The following DLEU7 variants were observed in gnomAD, a reference collection of about 807,000 sequenced individuals.
DLEU7 encodes the protein leukemia-associated protein 7.
DLEU7 carries 17 observed loss-of-function variants against 16.0 expected under a neutral mutation model. The ratio of observed to expected loss-of-function variants is 1.06; its 90% CI spans 0.73 to 1.59. DLEU7 has a LOEUF of 1.59. Ranked by LOEUF, DLEU7 falls within the 40% of genes most tolerant of loss-of-function variation. The probability of loss-of-function intolerance (pLI) is 0.00; values close to 1 mark genes in which losing one functional copy is unlikely to be tolerated. For synonymous variants in DLEU7, 113 were observed against 139.8 expected, an observed-to-expected ratio of 0.81 and a Z score of 1.35; for missense variants, 308 against 314.9, an observed-to-expected ratio of 0.98 and a Z score of 0.17.
chr13:50,811,635 C>T (rs1050749079), intron 1 of DLEU7, among the ~76,000 whole-genome samples: 9 of 152,124 alleles, frequency 5.9e-5, no homozygotes, highest in African/African-American at 1.4e-4. Context: ...GCCAGCCTTC[C>T]AGCACTAGCC....
intron 1 of DLEU7, among the ~76,000 whole-genome samples, chr13:50,813,996 G>A (rs1017324776): frequency 2.0e-5 from 3 of 152,066 alleles, no homozygotes; most frequent in African/African-American, 4.8e-5. Flanking sequence ...ACATATAGAC[G>A]TTCATTCTGT....
At chr13:50,839,268 AG>A (rs1427878138) in intron 1 of DLEU7, among the ~76,000 whole-genome samples, 2 of 152,204 alleles carry the variant, frequency 1.3e-5, no homozygotes, top group African/African-American at 4.8e-5. Flanking sequence ...TCCAAGCCTC[AG>A]TTTCCTCCTA....
chr13:50,820,569 G>A (rs776104476), downstream of DLEU7, among the ~76,000 whole-genome samples: 4 of 152,092 alleles, frequency 2.6e-5, no homozygotes, highest in Non-Finnish European at 4.4e-5. Context: ...CGAGGAACAT[G>A]CTCTTCTGAT....
intron 1 of DLEU7, among the ~76,000 whole-genome samples, chr13:50,793,251 A>G (rs890214934): frequency 6.6e-6 from 1 of 152,054 alleles, no homozygotes; most frequent in African/African-American, 2.4e-5. Flanking sequence ...CATGGCGTAT[A>G]TGTACCACAT....
exon 2 of DLEU7, chr13:50,713,134 A>G (rs1873343780): frequency 1.3e-6 from 2 of 1,527,860 alleles, no homozygotes; most frequent in African/African-American, 2.7e-5. Context: ...ATCCCATCTC[A>G]TCCCATCTGG....
chr13:50,732,214 G>C (rs1873929993), intron 1 of DLEU7, among the ~76,000 whole-genome samples: 1 of 152,100 alleles, frequency 6.6e-6, no homozygotes, highest in Non-Finnish European at 1.5e-5. Flanking sequence ...CAGACCACAA[G>C]TATCCATTTC....
chr13:50,821,432 T>C (rs548155513), downstream of DLEU7, among the ~76,000 whole-genome samples: 3 of 152,292 alleles, frequency 2.0e-5, no homozygotes, highest in African/African-American at 7.2e-5. Flanking sequence ...GATGTCTAGA[T>C]AATCCCTATC....
At chr13:50,776,736 AT>A (rs1443477656) in intron 1 of DLEU7, among the ~76,000 whole-genome samples, 1 of 152,196 alleles carries the variant, frequency 6.6e-6, no homozygotes, top group Non-Finnish European at 1.5e-5. Flanking sequence ...AACATTTAAA[AT>A]GTTGATTTTC....
At chr13:50,794,417 G>A (rs1333945321) in intron 1 of DLEU7, among the ~76,000 whole-genome samples, 1 of 152,120 alleles carries the variant, frequency 6.6e-6, no homozygotes, top group Non-Finnish European at 1.5e-5. Flanking sequence ...TACAAAAGGG[G>A]AAGCTGAAAA....
chr13:50,765,225 T>C (rs1875065528), intron 1 of DLEU7, among the ~76,000 whole-genome samples: 1 of 152,132 alleles, frequency 6.6e-6, no homozygotes, highest in African/African-American at 2.4e-5. Flanking sequence ...GGAGAATTTA[T>C]TCAAAATTAA....
At chr13:50,749,280 T>C (rs979594077) in intron 1 of DLEU7, among the ~76,000 whole-genome samples, 1 of 151,998 alleles carries the variant, frequency 6.6e-6, no homozygotes, top group African/African-American at 2.4e-5. Context: ...ATATCTATTT[T>C]TATATATCTA....
At chr13:50,731,281 T>G (rs2137716627) in intron 1 of DLEU7, among the ~76,000 whole-genome samples, 1 of 152,332 alleles carries the variant, frequency 6.6e-6, no homozygotes, top group African/African-American at 2.4e-5. Context: ...CATTCTTTCA[T>G]TGCTTTGCTT....
intron 1 of DLEU7, among the ~76,000 whole-genome samples, chr13:50,751,659 G>C (rs1379744167): frequency 1.3e-5 from 2 of 152,154 alleles, no homozygotes; most frequent in Non-Finnish European, 2.9e-5. Context: ...AATTAAGCTA[G>C]GAGGGCTCTA....
chr13:50,823,567 G>A, intron 1 of DLEU7, 47 bp from the exon 2 acceptor site: 2 of 1,525,210 alleles, frequency 1.3e-6, no homozygotes, highest in East Asian at 4.9e-5. Context: ...AGGTTATGGG[G>A]GCCAATTGTT....
At chr13:50,739,731 C>G (rs193274619) in intron 1 of DLEU7, among the ~76,000 whole-genome samples, 2 of 152,258 alleles carry the variant, frequency 1.3e-5, no homozygotes, top group Admixed American at 1.3e-4. Flanking sequence ...TGTTCTTTTT[C>G]TGCTACATCT....
chr13:50,757,155 T>C lies in DLEU7; in HGVS notation c.460-43915A>G, dbSNP rs566823211. Among the ~76,000 whole-genome samples the C allele has an allele frequency of 7.2e-5, 11 of 152,316 alleles. No homozygotes were observed. The South Asian group carries it at 2.3e-3, about 32-fold the overall frequency. On this transcript the variant is annotated intron_variant, in intron 1 of 1. Coordinates refer to the DLEU7 transcript ENST00000400393. ...CAGGATTTCTGGTTTATTCTTGTCA[T>C]TCTGGAGCTAAAATTCATGATGCAA...
chr13:50,824,838 T>C (rs1312867265), intron 1 of DLEU7, among the ~76,000 whole-genome samples: 1 of 152,238 alleles, frequency 6.6e-6, no homozygotes, highest in Non-Finnish European at 1.5e-5. Flanking sequence ...ATAATGCCTA[T>C]GTTGAAGATG....
At chr13:50,791,713 G>A (rs565476276) in intron 1 of DLEU7, among the ~76,000 whole-genome samples, 88 of 152,168 alleles carry the variant, frequency 5.8e-4, no homozygotes, top group Admixed American at 1.2e-3. Flanking sequence ...TGGCCTGAAT[G>A]TAAACATCTA....
intron 1 of DLEU7, among the ~76,000 whole-genome samples, chr13:50,789,098 GGTTGTCT>G (rs1431393187): frequency 1.3e-5 from 2 of 151,974 alleles, no homozygotes; most frequent in Non-Finnish European, 2.9e-5. Flanking sequence ...GCATCCAGAA[GGTTGTCT>G]GTTTTCTGCA....
Sources: allele counts gnomAD v4.1 joint callset (sites outside exome capture counted in the v4.1 genomes callset), GRCh38; gene constraint gnomAD v4.1.1; transcripts MANE v1.5; gene names NCBI Gene and HGNC (gene_info 2026-07-23, HGNC 2026-07-21).